The following ZNF398 variants were observed in gnomAD, a reference collection of about 807,000 sequenced individuals.
ZNF398 encodes zinc finger DNA binding protein ZER6.
ZNF398 carries 18 observed loss-of-function variants against 41.9 expected under a neutral mutation model. The ratio of observed to expected loss-of-function variants is 0.43; its 90% confidence interval spans 0.30 to 0.64. The LOEUF is 0.64. ZNF398 is among the 30% of genes least tolerant of loss of function. The pLI, the probability that ZNF398 is intolerant of heterozygous loss-of-function variation, is 0.14. For missense variants in ZNF398, 669 were observed against 822.8 expected (o/e 0.81, Z 2.29); for synonymous variants, 260 against 308.8 (o/e 0.84, Z 1.66).
At position 149,155,698 on chromosome 7, in the gene ZNF398, TA is replaced by T. The variant is rs1563159400; in HGVS notation, c.420+1359del. ...TTATATTTGGTTATATATATATATATATATATATATTTTTTTTTTTTTTTTT... is the reference window on the plus strand; with the variant it reads ...TTATATTTGGTTATATATATATATATTATATATATTTTTTTTTTTTTTTTT... On this transcript the variant is annotated intron_variant, in intron 2 of 5. Transcript: ENST00000475153. Among the ~76,000 whole-genome samples, 214 of 34,626 alleles carry T rather than the reference TA, an allele frequency of 6.2e-3. 1 individual carries two copies. Among genetic ancestry groups the T allele is most frequent in the Non-Finnish European group, 0.011 (147 of 13,940 alleles). The allele number at this position is 34,626 out of a possible 152,430, so 22.7% of individuals were successfully genotyped here. A position where few individuals can be genotyped will look rare whatever the true frequency, so the allele number is the denominator to read the frequency against.
chr7:149,168,601 C>T (rs1362199104), intron 4 of ZNF398, among the ~76,000 whole-genome samples: 1 of 152,020 alleles, frequency 6.6e-6, no homozygotes, highest in Non-Finnish European at 1.5e-5. Context: ...TGGAGTCTCA[C>T]TCTGTCGCCC....
intron 5 of ZNF398, among the ~76,000 whole-genome samples, chr7:149,176,826 C>T (rs1044353880): frequency 6.6e-6 from 1 of 152,062 alleles, no homozygotes; most frequent in African/African-American, 2.4e-5. Context: ...CAAGTGCATA[C>T]AGACGAACCA....
rs371989710 is a variant in ZNF398 at position 149,152,047 on chromosome 7, T to C, written c.25-1898T>C. 6.7e-4 allele frequency among the ~76,000 whole-genome samples: 102 copies of C among 151,994 alleles called. 2 individuals are homozygous for C. The highest frequency in any genetic ancestry group is 3.4e-3 in the Middle Eastern group (1 of 294). The stretch of plus-strand genomic sequence containing the variant: ...GGCTAACATGGTGAAACCCCATCTC[T>C]ACTAAAAATACAAAAAATTAGCTGA... On this transcript the variant is annotated intron_variant, in intron 1 of 5. Transcript: ENST00000475153.
Position 149,154,358 on chromosome 7 carries a change from A to G in ZNF398, c.420+18A>G. ...TCCCAAAGGTAATACCTTCATTTCT[A>G]GATGTAAAGTGGTACCACTAGAACT... On this transcript the variant is annotated intron_variant, in intron 2 of 5. Transcript: ENST00000475153. The G allele has an allele frequency of 6.3e-7, 1 of 1,584,388 alleles. No individual in the cohort carries two copies. Among genetic ancestry groups the G allele is most frequent in the South Asian group, 1.1e-5 (1 of 87,546 alleles).
Position 149,163,971 on chromosome 7 carries a change from G to T in ZNF398, c.421-2187G>T, listed in dbSNP as rs564701098. ...TACTAAAAATACAAAAATGAGCCAGGCGTGATGGTGTGCACCTGTAATCCC... is the reference window on the plus strand; with the variant it reads ...TACTAAAAATACAAAAATGAGCCAGTCGTGATGGTGTGCACCTGTAATCCC... On this transcript the variant is annotated intron_variant, in intron 2 of 5. Coordinates refer to ENST00000475153, the MANE Select transcript of ZNF398 (RefSeq NM_170686.3). 3.3e-5 allele frequency among the ~76,000 whole-genome samples: 5 copies of T among 152,162 alleles called. No homozygotes were observed. In the South Asian group the frequency reaches 1.0e-3, roughly 32 times the overall value.
chr7:149,152,984 C>A (rs923858374), intron 1 of ZNF398, among the ~76,000 whole-genome samples: 1 of 151,738 alleles, frequency 6.6e-6, no homozygotes, highest in Non-Finnish European at 1.5e-5. Context: ...TCTCAGCCTC[C>A]CGAGTAGCTG....
intron 2 of ZNF398, 123 bp from the exon 3 acceptor site, chr7:149,166,032 ATAT>A (rs1455102827): frequency 4.7e-6 from 5 of 1,061,736 alleles, no homozygotes; most frequent in Non-Finnish European, 6.8e-6. Context: ...CATTTCAGAG[ATAT>A]TTAGAATATT....
chr7:149,143,748 G>A (rs756035361), upstream of ZNF398, among the ~76,000 whole-genome samples: 2 of 152,106 alleles, frequency 1.3e-5, no homozygotes, highest in East Asian at 1.9e-4. Flanking sequence ...GGAGGCAGAG[G>A]TTCCAGTGAG....
At chr7:149,147,033 C>T (rs909402194), upstream of ZNF398, 1 of 152,250 alleles carries the variant, frequency 6.6e-6, no homozygotes, top group African/African-American at 2.4e-5. The surrounding 1 kb of genome is among the most constrained non-coding windows in gnomAD (Gnocchi z 5.6). Context: ...CTTCTTCATT[C>T]CAAAATTGTG....
chr7:149,171,122 A>G (rs1212100293), intron 4 of ZNF398, among the ~76,000 whole-genome samples: 1 of 150,028 alleles, frequency 6.7e-6, no homozygotes, highest in Non-Finnish European at 1.5e-5. Context: ...TGCTGGGATT[A>G]TAGGCATGAG....
At chr7:149,127,923 G>A in intron 1 of ZNF398, among the ~76,000 whole-genome samples, 1 of 152,062 alleles carries the variant, frequency 6.6e-6, no homozygotes, top group East Asian at 1.9e-4. Context: ...TGGATCCTTG[G>A]CAAGGACTGA....
At chr7:149,173,491 T>G (rs1010901220) in intron 4 of ZNF398, among the ~76,000 whole-genome samples, 6 of 152,070 alleles carry the variant, frequency 3.9e-5, no homozygotes, top group Non-Finnish European at 7.4e-5. Context: ...AAATTTCTTA[T>G]GCAATAAGAC....
Position 149,181,503 on chromosome 7 carries a change from A to G in ZNF398, c.*1702A>G, listed in dbSNP as rs1795589119. 1 of 152,060 alleles carries G rather than the reference A, an allele frequency of 6.6e-6. No homozygotes were observed. Among genetic ancestry groups the G allele is most frequent in the Non-Finnish European group, 1.5e-5 (1 of 68,018 alleles). The allele number at this position is 152,060 out of a possible 1,614,324, so 9.4% of individuals were successfully genotyped here. Reference sequence around the variant, plus strand: ...TGATGAAGTGATAAGGAAAGGACCCATTTTTTTGCTCATCACCTAGCCCAT... The same window carrying G: ...TGATGAAGTGATAAGGAAAGGACCCGTTTTTTTGCTCATCACCTAGCCCAT... On this transcript the variant is annotated 3_prime_UTR_variant, in exon 6 of 6. Coordinates refer to ENST00000475153, the MANE Select transcript of ZNF398 (RefSeq NM_170686.3).
At chr7:149,176,629 C>T (rs1209792550) in intron 5 of ZNF398, 48 bp downstream of exon 5, 1 of 1,257,634 alleles carries the variant, frequency 8.0e-7, no homozygotes, top group African/African-American at 1.5e-5. Context: ...CAGCTCATGC[C>T]AGGACTGACT....
At chr7:149,178,160 C>T (rs888558367) in intron 5 of ZNF398, among the ~76,000 whole-genome samples, 13 of 151,956 alleles carry the variant, frequency 8.6e-5, no homozygotes, top group Non-Finnish European at 1.5e-4. Flanking sequence ...GGCGTAGTGG[C>T]GGGTGCCTGT....
At chr7:149,157,836 C>CAA (rs67225033) in intron 2 of ZNF398, among the ~76,000 whole-genome samples, 5,131 of 59,456 alleles carry the variant, frequency 0.086, 465 homozygotes, top group African/African-American at 0.24. Flanking sequence ...GACTCTGTCT[C>CAA]AAAAAAAAAA....
In ZNF398 at chr7:149,147,502, G is replaced by A. The variant is rs1826978563; in HGVS notation, c.-241G>A. On this transcript the variant is annotated 5_prime_UTR_variant, in exon 1 of 6. Transcript: ENST00000475153. The surrounding 1 kb of genome is among the most constrained non-coding windows in gnomAD (Gnocchi z 5.6). ...GCTGAGGGGCCGCTGCGGGTGGAGT[G>A]CGGCGGAGTCGGCCTCGCGACCCCA... 2 of 315,870 alleles carry A rather than the reference G, an allele frequency of 6.3e-6. No individual in the cohort carries two copies. Among genetic ancestry groups the A allele is most frequent in the East Asian group, 5.3e-5 (1 of 18,786 alleles). 19.6% of individuals were successfully genotyped at this position (315,870 alleles called of 1,614,324 possible). A position where few individuals can be genotyped will look rare whatever the true frequency, so the allele number is the denominator to read the frequency against.
At chr7:149,133,829 G>A (rs1255347243) in intron 2 of ZNF398, among the ~76,000 whole-genome samples, 4 of 148,504 alleles carry the variant, frequency 2.7e-5, no homozygotes, top group Non-Finnish European at 4.5e-5. Context: ...TCGGCTCACC[G>A]CAACCTCTGC....
chr7:149,180,070 A>C lies in ZNF398; in HGVS notation c.*269A>C, dbSNP rs1351449574. The C allele has an allele frequency of 2.9e-6, 1 of 343,196 alleles. No homozygotes were observed. The highest frequency in any genetic ancestry group is 5.3e-6 in the Non-Finnish European group (1 of 188,002). The allele number at this position is 343,196 out of a possible 1,614,324, so 21.3% of individuals were successfully genotyped here. A position where few individuals can be genotyped will look rare whatever the true frequency, so the allele number is the denominator to read the frequency against. The stretch of plus-strand genomic sequence containing the variant: ...ATACAACAAAAGCAGAAGTTACAAG[A>C]ATATTGCGGAGAGGTTGGAAAGCAG... On this transcript the variant is annotated 3_prime_UTR_variant, in exon 6 of 6. Transcript: ENST00000475153.
Sources: allele counts gnomAD v4.1 joint callset (sites outside exome capture counted in the v4.1 genomes callset), GRCh38; gene constraint gnomAD v4.1.1; non-coding constraint Gnocchi (gnomAD v3.1); transcripts MANE v1.5; gene names NCBI Gene and HGNC (gene_info 2026-07-23, HGNC 2026-07-21).